Variants in PCCA observed in about 807,000 individuals in gnomAD.
PCCA encodes propionyl-CoA carboxylase subunit alpha.
A neutral mutation model predicts 101.3 loss-of-function variants in PCCA; 74 were observed. That is an observed-to-expected ratio of 0.73 (90% confidence interval 0.61 to 0.89). PCCA has a LOEUF of 0.89. PCCA is among the 40% of genes least tolerant of loss of function. PCCA has a pLI of 0.00. For missense variants in PCCA, 891 were observed against 907.0 expected (o/e 0.98, Z 0.23); for synonymous variants, 294 against 313.6 (o/e 0.94, Z 0.66).
chr13:100,091,078 C>G (rs2046239857), intron 1 of PCCA, among the ~76,000 whole-genome samples: 1 of 152,136 alleles, frequency 6.6e-6, no homozygotes, highest in African/African-American at 2.4e-5. Flanking sequence ...TGAAAAAAGC[C>G]TACAGAGGCT....
chr13:100,133,463 C>T (rs965529833), intron 4 of PCCA, among the ~76,000 whole-genome samples: 8 of 152,128 alleles, frequency 5.3e-5, no homozygotes, highest in African/African-American at 1.9e-4. Flanking sequence ...TCTAAGAACT[C>T]TTTACCTAAC....
At chr13:100,386,788 A>G (rs969681060) in intron 19 of PCCA, among the ~76,000 whole-genome samples, 1 of 152,232 alleles carries the variant, frequency 6.6e-6, no homozygotes, top group Non-Finnish European at 1.5e-5. Flanking sequence ...GGAAGGAGCC[A>G]CAAGAAACTG....
chr13:100,420,470 C>A (rs2078673777), intron 19 of PCCA, among the ~76,000 whole-genome samples: 1 of 151,966 alleles, frequency 6.6e-6, no homozygotes, highest in East Asian at 1.9e-4. Flanking sequence ...GTCCCAGCTA[C>A]ACGGGAGGCT....
At chr13:100,089,920 G>A (rs2046122948) in intron 1 of PCCA, among the ~76,000 whole-genome samples, 1 of 152,124 alleles carries the variant, frequency 6.6e-6, no homozygotes, top group South Asian at 2.1e-4. Context: ...AAACAGGTTG[G>A]AGTGCTTGTG....
chr13:100,137,058 T>A (rs1250089089), intron 4 of PCCA, among the ~76,000 whole-genome samples: 4 of 151,990 alleles, frequency 2.6e-5, no homozygotes, highest in African/African-American at 9.6e-5. Context: ...ATATTTTTTT[T>A]TATATATTGT....
chr13:100,337,098 T>G (rs1369851837), intron 17 of PCCA, among the ~76,000 whole-genome samples: 1 of 152,068 alleles, frequency 6.6e-6, no homozygotes, highest in African/African-American at 2.4e-5. Context: ...TAGGAAGAAT[T>G]GGAGAGCTTT....
At chr13:100,341,987 T>TATATATATATATATATTTATTTA (rs1566963825) in intron 18 of PCCA, among the ~76,000 whole-genome samples, 1 of 68,816 alleles carries the variant, frequency 1.5e-5, no homozygotes, top group African/African-American at 5.4e-5. Context: ...ATATATGTAT[T>TATATATATATATATATTTATTTA]TATGTGTGTG....
At chr13:100,089,480 C>T (rs545828478) in intron 1 of PCCA, among the ~76,000 whole-genome samples, 8 of 152,354 alleles carry the variant, frequency 5.3e-5, no homozygotes, top group African/African-American at 1.9e-4. Context: ...AGTTGGGTGC[C>T]CGCACGCCCT....
At chr13:100,454,219 A>G (rs1234108286) in intron 21 of PCCA, among the ~76,000 whole-genome samples, 1 of 152,066 alleles carries the variant, frequency 6.6e-6, no homozygotes, top group African/African-American at 2.4e-5. Context: ...CTCTGCCCCT[A>G]ATAAATCATA....
intron 19 of PCCA, among the ~76,000 whole-genome samples, chr13:100,404,853 C>T (rs1490363831): frequency 6.6e-6 from 1 of 152,136 alleles, no homozygotes; most frequent in Non-Finnish European, 1.5e-5. Flanking sequence ...AACAGGAAGC[C>T]TTGGGGTTGG....
intron 6 of PCCA, among the ~76,000 whole-genome samples, chr13:100,205,854 T>TGTTTCCTC (rs1315117996): frequency 3.3e-5 from 5 of 152,150 alleles, no homozygotes; most frequent in Non-Finnish European, 7.3e-5. Flanking sequence ...GAAGCATGAT[T>TGTTTCCTC]GTTTCCTCTT....
chr13:100,189,386 T>A (rs2152445047), intron 6 of PCCA, among the ~76,000 whole-genome samples: 1 of 152,340 alleles, frequency 6.6e-6, no homozygotes, highest in Non-Finnish European at 1.5e-5. Flanking sequence ...CGATTTATAA[T>A]CCTTTGAGTA....
intron 21 of PCCA, among the ~76,000 whole-genome samples, chr13:100,505,659 G>C (rs2086008641): frequency 6.6e-6 from 1 of 152,214 alleles, no homozygotes; most frequent in Admixed American, 6.5e-5. Context: ...GAGCCCAGGA[G>C]TTCAAGACCA....
chr13:100,515,498 C>A lies in PCCA; in HGVS notation c.1971C>A (p.Asp657Glu), dbSNP rs1314732283. Reference protein sequence around the residue: ...NKFMLEKVTEDTSSVLRSPMP... With the variant: ...NKFMLEKVTEETSSVLRSPMP... ...TTATGCTGGAAAAAGTGACTGAGGA[C>A]ACAAGCAGTGTTCTGCGTTCCCCGA... Residue 657 changes from aspartate to glutamate, a missense_variant, in exon 22 of 24, where the codon GAC becomes GAA. Coordinates refer to ENST00000376285, the MANE Select transcript of PCCA (RefSeq NM_000282.4). 9 of 1,614,136 alleles carry A rather than the reference C, an allele frequency of 5.6e-6. No individual in the cohort carries two copies. In the South Asian group the frequency reaches 6.6e-5, roughly 12 times the overall value.
chr13:100,481,596 C>T (rs2083939183), intron 21 of PCCA, among the ~76,000 whole-genome samples: 1 of 152,054 alleles, frequency 6.6e-6, no homozygotes, highest in African/African-American at 2.4e-5. Context: ...GACCCCCTGA[C>T]AGTAGATCTG....
At chr13:100,092,545 G>C (rs2046378595) in intron 1 of PCCA, among the ~76,000 whole-genome samples, 1 of 152,126 alleles carries the variant, frequency 6.6e-6, no homozygotes, top group South Asian at 2.1e-4. Flanking sequence ...ACCACACCTG[G>C]CTATTTTTTA....
intron 12 of PCCA, among the ~76,000 whole-genome samples, chr13:100,284,297 T>G (rs1370335087): frequency 6.6e-6 from 1 of 152,198 alleles, no homozygotes; most frequent in Admixed American, 6.5e-5. Context: ...GGAGCTATTA[T>G]CTACATGAAT....
intron 6 of PCCA, among the ~76,000 whole-genome samples, chr13:100,159,152 G>A (rs1235129537): frequency 1.5e-5 from 2 of 136,694 alleles, no homozygotes; most frequent in Admixed American, 7.7e-5. Flanking sequence ...GGAATGTAGT[G>A]GCATGATCTC....
chr13:100,247,807 CA>C (rs1313839926), intron 8 of PCCA, among the ~76,000 whole-genome samples: 1 of 152,152 alleles, frequency 6.6e-6, no homozygotes, highest in African/African-American at 2.4e-5. Context: ...TGAGTCACCA[CA>C]TCCAGCCTTT....
Sources: gnomAD v4.1 joint callset for allele counts (sites outside exome capture counted in the v4.1 genomes callset) on GRCh38, gnomAD v4.1.1 for gene constraint, MANE v1.5 for transcripts, NCBI Gene and HGNC (gene_info 2026-07-23, HGNC 2026-07-21) for gene names.